Variants in TSPAN18 observed in about 807,000 individuals in gnomAD.
TSPAN18 encodes tetraspanin 18.
A neutral mutation model predicts 27.3 loss-of-function variants in TSPAN18; 14 were observed. That is an observed-to-expected ratio of 0.51 (90% confidence interval 0.34 to 0.80). The LOEUF (loss-of-function observed/expected upper bound fraction) is 0.80, where lower values mean the gene tolerates loss of function less well. Among genes scored for constraint, TSPAN18 ranks in the 30% least tolerant of loss-of-function variants. The probability of loss-of-function intolerance (pLI) is 0.01; values close to 1 mark genes in which losing one functional copy is unlikely to be tolerated. For missense variants in TSPAN18, 268 were observed against 323.9 expected (o/e 0.83, Z 1.32); for synonymous variants, 143 against 136.5 (o/e 1.05, Z -0.33).
At chr11:44,807,870 ATG>A (rs1420189115) in intron 2 of TSPAN18, among the ~76,000 whole-genome samples, 1 of 152,194 alleles carries the variant, frequency 6.6e-6, no homozygotes. Flanking sequence ...TATGGGCTGC[ATG>A]TAGCCTCCAG....
intron 2 of TSPAN18, among the ~76,000 whole-genome samples, chr11:44,832,274 C>G (rs1440116284): frequency 6.6e-6 from 1 of 152,208 alleles, no homozygotes; most frequent in Non-Finnish European, 1.5e-5. Context: ...AGTATGCATT[C>G]TGCATCTTAC....
At chr11:44,727,965 T>C (rs925977821) in intron 1 of TSPAN18, among the ~76,000 whole-genome samples, 2 of 152,066 alleles carry the variant, frequency 1.3e-5, no homozygotes, top group African/African-American at 4.8e-5. Flanking sequence ...TCGGGTGGGA[T>C]CGCGCCGGCT....
intron 3 of TSPAN18, among the ~76,000 whole-genome samples, chr11:44,902,733 T>A (rs1590659292): frequency 1.3e-5 from 2 of 152,218 alleles, no homozygotes; most frequent in East Asian, 1.9e-4. Context: ...AGCAGGCAGC[T>A]CTAGGCTTTC....
At chr11:44,887,314 A>G (rs754313941) in intron 3 of TSPAN18, among the ~76,000 whole-genome samples, 1 of 152,224 alleles carries the variant, frequency 6.6e-6, no homozygotes, top group Non-Finnish European at 1.5e-5. Context: ...CAAGTGAATT[A>G]GAACATGCAA....
intron 2 of TSPAN18, among the ~76,000 whole-genome samples, chr11:44,791,611 T>A (rs1273137934): frequency 6.6e-6 from 1 of 152,206 alleles, no homozygotes; most frequent in East Asian, 1.9e-4. Context: ...TTCTGTGGAC[T>A]GTCTCCTCCT....
At chr11:44,906,506 C>T (rs779364374) in intron 4 of TSPAN18, 27 bp downstream of exon 4, 1 of 1,584,018 alleles carries the variant, frequency 6.3e-7, no homozygotes, top group Non-Finnish European at 8.7e-7. Flanking sequence ...CTTCCCAGGC[C>T]TCTGCTGGGT....
intron 3 of TSPAN18, among the ~76,000 whole-genome samples, chr11:44,904,399 C>A (rs527713656): frequency 8.5e-5 from 13 of 152,346 alleles, no homozygotes; most frequent in African/African-American, 2.9e-4. Flanking sequence ...AATCCAAAGC[C>A]GATGTGCCTG....
intron 2 of TSPAN18, among the ~76,000 whole-genome samples, chr11:44,846,606 T>TGTG (rs576341145): frequency 1.1e-4 from 17 of 151,218 alleles, no homozygotes; most frequent in East Asian, 7.9e-4. Flanking sequence ...GTGTGTGTGT[T>TGTG]TGTGTGTGTG....
intron 2 of TSPAN18, among the ~76,000 whole-genome samples, chr11:44,771,339 A>ATCAT (rs1229957913): frequency 3.3e-5 from 5 of 152,210 alleles, no homozygotes; most frequent in South Asian, 4.1e-4. Context: ...TCTCTGTCAG[A>ATCAT]TCATTCATTC....
chr11:44,764,826 A>G (rs944374487), intron 2 of TSPAN18, among the ~76,000 whole-genome samples: 3 of 152,074 alleles, frequency 2.0e-5, no homozygotes, highest in Admixed American at 6.5e-5. Flanking sequence ...GGCTCATGGA[A>G]TCTGTATCAA....
rs188335477 is a variant in TSPAN18 at position 44,912,353 on chromosome 11, C to T, written c.258+2454C>T. On this transcript the variant is annotated intron_variant, in intron 5 of 9. Transcript: ENST00000520358. The stretch of plus-strand genomic sequence containing the variant: ...CTCTTGATCTCTGTTTTTATTCCTA[C>T]GCCCTTTCCTTGTCCCTGTCCTGAT... 1.1e-3 allele frequency among the ~76,000 whole-genome samples: 165 copies of T among 152,006 alleles called. 1 individual carries two copies. The highest frequency in any genetic ancestry group is 3.4e-3 in the Admixed American group (52 of 15,268).
chr11:44,847,108 C>T (rs1565175198), intron 2 of TSPAN18, among the ~76,000 whole-genome samples: 1 of 152,308 alleles, frequency 6.6e-6, no homozygotes, highest in South Asian at 2.1e-4. Flanking sequence ...AGAGAACTTC[C>T]AGGAAATCCA....
In TSPAN18 at chr11:44,926,715, C is replaced by G. The variant is rs1565022318; in HGVS notation, c.657C>G (p.Val219=). 1 of 1,614,172 alleles carries G rather than the reference C, an allele frequency of 6.2e-7. No individual in the cohort carries two copies. The highest frequency in any genetic ancestry group is 8.5e-7 in the Non-Finnish European group (1 of 1,180,006). The change falls in exon 9 of 10, where the codon GTC becomes GTG. Residue 219 remains valine (V), a synonymous_variant. Transcript: ENST00000520358. ...TCCTCAACACCTTCGAGACCTACGT[C>G]TACTTGGCCGGAGCCCTTGCCATCG... ...TVILNTFETY[V]YLAGALAIGV...
At chr11:44,750,865 C>T (rs564161136) in intron 1 of TSPAN18, among the ~76,000 whole-genome samples, 1 of 152,334 alleles carries the variant, frequency 6.6e-6, no homozygotes, top group South Asian at 2.1e-4. Context: ...TGGTGACTTG[C>T]CCAAGGTCAC....
intron 2 of TSPAN18, among the ~76,000 whole-genome samples, chr11:44,788,772 A>G (rs1015403658): frequency 6.6e-6 from 1 of 152,030 alleles, no homozygotes; most frequent in African/African-American, 2.4e-5. Context: ...CTGCAAAGGG[A>G]AGTATTTGTG....
At chr11:44,757,858 T>G (rs1855367383) in intron 1 of TSPAN18, among the ~76,000 whole-genome samples, 1 of 152,256 alleles carries the variant, frequency 6.6e-6, no homozygotes, top group South Asian at 2.1e-4. Context: ...CTATATTTTC[T>G]GGATATTAAT....
intron 3 of TSPAN18, chr11:44,885,838 A>C (rs993495510): frequency 2.6e-5 from 4 of 152,182 alleles, no homozygotes; most frequent in African/African-American, 9.7e-5. Context: ...TCTTATGGGA[A>C]GGGGTTGTGG....
chr11:44,775,602 G>C (rs78964124), intron 2 of TSPAN18, among the ~76,000 whole-genome samples: 15 of 151,854 alleles, frequency 9.9e-5, no homozygotes, highest in African/African-American at 3.6e-4. Context: ...AGTGGCGGGG[G>C]TGGGAGGTGT....
At chr11:44,824,393 G>T (rs1199221930) in intron 2 of TSPAN18, among the ~76,000 whole-genome samples, 1 of 152,244 alleles carries the variant, frequency 6.6e-6, no homozygotes, top group Non-Finnish European at 1.5e-5. Context: ...TGGGGGCAGG[G>T]ATAGGGGATG....
Sources: gnomAD v4.1 joint callset for allele counts (sites outside exome capture counted in the v4.1 genomes callset) on GRCh38, gnomAD v4.1.1 for gene constraint, MANE v1.5 for transcripts, NCBI Gene and HGNC (gene_info 2026-07-23, HGNC 2026-07-21) for gene names.